The following CCM2 variants were observed in gnomAD, a reference collection of about 807,000 sequenced individuals.
The protein encoded by CCM2 is cerebral cavernous malformations 2 protein.
In CCM2, 25 loss-of-function variants were observed where a neutral mutation model predicts 44.9. That is an observed-to-expected ratio of 0.56 (90% CI 0.41 to 0.78). The LOEUF (loss-of-function observed/expected upper bound fraction) is 0.78. CCM2 is among the 30% of genes least tolerant of loss of function. The probability of loss-of-function intolerance (pLI) is 0.00; values close to 1 mark genes in which losing one functional copy is unlikely to be tolerated. For missense variants in CCM2, 481 were observed against 580.6 expected, an observed-to-expected ratio of 0.83 and a Z score of 1.76; for synonymous variants, 219 against 241.1, an observed-to-expected ratio of 0.91 and a Z score of 0.85.
intron 4 of CCM2, among the ~76,000 whole-genome samples, chr7:45,067,327 A>T (rs941144943): frequency 6.6e-6 from 1 of 150,700 alleles, no homozygotes; most frequent in Non-Finnish European, 1.5e-5. Context: ...CGCCCAGCTA[A>T]TTTTTTTGTA....
intron 1 of CCM2, among the ~76,000 whole-genome samples, chr7:45,019,311 G>T (rs1185173378): frequency 2.0e-5 from 3 of 152,032 alleles, no homozygotes; most frequent in Non-Finnish European, 2.9e-5. Flanking sequence ...CTGGCCTCAA[G>T]CCATCCTCCT....
At position 45,076,229 on chromosome 7, in the gene CCM2, G is replaced by A. The variant is rs758382740; in HGVS notation, c.*172G>A. On this transcript the variant is annotated 3_prime_UTR_variant, in exon 10 of 10. Transcript: ENST00000258781. ...TACTGTGAAGGAGCAGGGAGCTGCCGAGGGACACGAGCCTCAGTGCGGGGT... is the reference window on the plus strand; with the variant it reads ...TACTGTGAAGGAGCAGGGAGCTGCCAAGGGACACGAGCCTCAGTGCGGGGT... 22 of 887,448 alleles carry A rather than the reference G, an allele frequency of 2.5e-5. No homozygotes were observed. Among genetic ancestry groups the A allele is most frequent in the East Asian group, 2.4e-4 (9 of 37,830 alleles). 55.0% of individuals were successfully genotyped at this position (887,448 alleles called of 1,614,324 possible).
At chr7:45,054,950 T>C (rs1366759229) in intron 2 of CCM2, among the ~76,000 whole-genome samples, 4 of 152,260 alleles carry the variant, frequency 2.6e-5, no homozygotes, top group Non-Finnish European at 5.9e-5. Context: ...GGATTAGAGC[T>C]GTACTTTTTC....
chr7:45,072,080 G>T (rs578250433), intron 6 of CCM2: 44 of 351,104 alleles, frequency 1.3e-4, no homozygotes, highest in Non-Finnish European at 2.5e-4. Context: ...CACCTGCCTC[G>T]CTCACAAAGC....
intron 1 of CCM2, among the ~76,000 whole-genome samples, chr7:45,006,331 G>GT (rs1315802715): frequency 8.1e-4 from 44 of 54,316 alleles, no homozygotes; most frequent in South Asian, 4.4e-3. Flanking sequence ...TGAAGATGGA[G>GT]TCTTTTTTTT....
At chr7:45,050,656 G>A (rs1343621989) in intron 2 of CCM2, among the ~76,000 whole-genome samples, 1 of 152,206 alleles carries the variant, frequency 6.6e-6, no homozygotes, top group Non-Finnish European at 1.5e-5. Context: ...GTCTCTTTCA[G>A]ACTACCTTTC....
intron 1 of CCM2, among the ~76,000 whole-genome samples, chr7:45,007,798 T>C (rs551314527): frequency 6.6e-4 from 100 of 152,308 alleles, no homozygotes; most frequent in African/African-American, 2.1e-3. Flanking sequence ...GTGGTGTCAC[T>C]GTTCTTAAGG....
chr7:45,003,123 T>C (rs1172507184), intron 1 of CCM2, among the ~76,000 whole-genome samples: 1 of 152,174 alleles, frequency 6.6e-6, no homozygotes, highest in Admixed American at 6.5e-5. Flanking sequence ...TTGCCCAGGC[T>C]GGAGTGCAAT....
chr7:45,018,261 G>T (rs961459674), intron 1 of CCM2, among the ~76,000 whole-genome samples: 1 of 152,146 alleles, frequency 6.6e-6, no homozygotes, highest in South Asian at 2.1e-4. Context: ...AACAGGCCAC[G>T]GACCCAGACC....
intron 1 of CCM2, among the ~76,000 whole-genome samples, chr7:45,007,396 A>G (rs1480946160): frequency 2.6e-5 from 4 of 152,174 alleles, no homozygotes; most frequent in Admixed American, 6.5e-5. Flanking sequence ...TTATCTTTCA[A>G]TCAAGAACAG....
rs1013310783 is a variant in CCM2, at chr7:45,030,896, G to A, written c.31-7357G>A. On this transcript the variant is annotated intron_variant, in intron 1 of 9. Coordinates refer to ENST00000258781, the MANE Select transcript of CCM2 (RefSeq NM_031443.4). ...GCACCACCATGCCCGGCTAATTTTT[G>A]TATTTTTAGTAGAGACGGGGTTTCA... is the stretch of plus-strand genomic sequence containing the variant. Among the ~76,000 whole-genome samples, 15 of 151,720 alleles carry A rather than the reference G, an allele frequency of 9.9e-5. No homozygotes were observed. In the East Asian group the frequency reaches 2.9e-3, roughly 30 times the overall value.
intron 1 of CCM2, among the ~76,000 whole-genome samples, chr7:45,019,606 C>T (rs139423241): frequency 2.1e-4 from 32 of 152,054 alleles, no homozygotes; most frequent in African/African-American, 6.5e-4. Flanking sequence ...TTTTTTGAGA[C>T]GGATCTTGCT....
At chr7:45,017,694 A>G (rs1796321048) in intron 1 of CCM2, among the ~76,000 whole-genome samples, 1 of 152,134 alleles carries the variant, frequency 6.6e-6, no homozygotes, top group Non-Finnish European at 1.5e-5. Flanking sequence ...CCATTCTGTC[A>G]GTTTTGTGGT....
chr7:45,050,907 G>A lies in CCM2; in HGVS notation c.204+12481G>A, dbSNP rs7800695. ...GGCATGCTCAAGAGAAAGAGTGAAG[G>A]GGGTAGGGTAGGGCAGAGGGGAAAG... On this transcript the variant is annotated intron_variant, in intron 2 of 9. Coordinates refer to ENST00000258781, the MANE Select transcript of CCM2 (RefSeq NM_031443.4). 3.4e-4 allele frequency among the ~76,000 whole-genome samples: 51 copies of A among 152,018 alleles called. 1 individual carries two copies. Among genetic ancestry groups the A allele is most frequent in the Admixed American group, 3.1e-3 (47 of 15,260 alleles).
chr7:45,005,483 C>T (rs1795808051), intron 1 of CCM2, among the ~76,000 whole-genome samples: 1 of 152,246 alleles, frequency 6.6e-6, no homozygotes, highest in African/African-American at 2.4e-5. Flanking sequence ...CAGTCTGCCC[C>T]ACTGGGGCGC....
At chr7:45,068,345 C>T (rs1798885775) in intron 4 of CCM2, 98 bp from the exon 5 acceptor site, 1 of 1,511,346 alleles carries the variant, frequency 6.6e-7, no homozygotes, top group Non-Finnish European at 9.1e-7. Flanking sequence ...AGGTAAAGGT[C>T]CTCTCAGCCT....
chr7:45,009,057 T>C (rs1415601348), intron 1 of CCM2, among the ~76,000 whole-genome samples: 2 of 152,060 alleles, frequency 1.3e-5, no homozygotes, highest in African/African-American at 4.8e-5. Flanking sequence ...ATCCCAGCAC[T>C]TTAGAAGGCC....
At chr7:45,008,039 ATTTTTTT>A (rs66538861) in intron 1 of CCM2, among the ~76,000 whole-genome samples, 4 of 127,560 alleles carry the variant, frequency 3.1e-5, no homozygotes, top group Non-Finnish European at 3.2e-5. Flanking sequence ...GGTGGGGTAC[ATTTTTTT>A]TTTTTTTTTT....
At chr7:45,028,590 G>C (rs749156212) in intron 1 of CCM2, among the ~76,000 whole-genome samples, 47 of 152,220 alleles carry the variant, frequency 3.1e-4, no homozygotes, top group Non-Finnish European at 6.0e-4. Flanking sequence ...CCGGGAGGTG[G>C]AGGTTGCAGT....
Sources: allele counts gnomAD v4.1 joint callset (sites outside exome capture counted in the v4.1 genomes callset), GRCh38; gene constraint gnomAD v4.1.1; transcripts MANE v1.5; gene names NCBI Gene and HGNC (gene_info 2026-07-23, HGNC 2026-07-21).